Variants in SOX6 observed in about 807,000 individuals in gnomAD.
SOX6 encodes the protein SRY-box transcription factor 6.
A neutral mutation model predicts 97.8 loss-of-function variants in SOX6; 11 were observed. The observed-to-expected ratio is 0.11, with a 90% confidence interval of 0.07 to 0.19. The LOEUF (loss-of-function observed/expected upper bound fraction) is 0.19. SOX6 is among the 10% of genes least tolerant of loss of function. The pLI is 1.00. For synonymous variants in SOX6, 360 were observed against 371.4 expected (o/e 0.97, Z 0.35); for missense variants, 810 against 1,039.5 (o/e 0.78, Z 3.04).
chr11:16,176,418 A>T (rs1461147836), intron 6 of SOX6, among the ~76,000 whole-genome samples: 2 of 151,862 alleles, frequency 1.3e-5, no homozygotes, highest in Non-Finnish European at 2.9e-5. Flanking sequence ...CAGATGAAGA[A>T]GGTAGTTATA....
At chr11:16,013,605 G>T (rs11023829) in intron 13 of SOX6, among the ~76,000 whole-genome samples, 1 of 151,584 alleles carries the variant, frequency 6.6e-6, no homozygotes, top group Non-Finnish European at 1.5e-5. Context: ...CCTCTTCTTC[G>T]TTCCTTTCCT....
intron 9 of SOX6, among the ~76,000 whole-genome samples, chr11:16,058,248 A>G (rs2133924334): frequency 6.6e-6 from 1 of 152,056 alleles, no homozygotes; most frequent in African/African-American, 2.4e-5. Context: ...TTTTAAAGAT[A>G]CTCTTATTCT....
chr11:16,234,434 C>A, intron 4 of SOX6, 148 bp downstream of exon 4: 1 of 518,816 alleles, frequency 1.9e-6, no homozygotes, highest in South Asian at 2.9e-5. Context: ...AATAAAAGCT[C>A]AGAAACCTAT....
chr11:16,518,065 T>C (rs756073856), intron 4 of SOX6, among the ~76,000 whole-genome samples: 33 of 152,174 alleles, frequency 2.2e-4, no homozygotes, highest in Non-Finnish European at 3.7e-4. Flanking sequence ...TATGATCATG[T>C]CACTAGTATG....
chr11:16,072,115 C>T (rs975118237), intron 9 of SOX6, among the ~76,000 whole-genome samples: 1 of 152,104 alleles, frequency 6.6e-6, no homozygotes, highest in East Asian at 1.9e-4. Context: ...AAACAGAATT[C>T]ATTTCTGACT....
At position 16,340,437 on chromosome 11, in the gene SOX6, T is replaced by C. The variant is rs183968748; in HGVS notation, c.237+575A>G. On this transcript the variant is annotated intron_variant, in intron 2 of 15. Transcript: ENST00000683767. Reference sequence around the variant, plus strand: ...TGGCTAATACACTGCATGTATTTGATGTGGTTTCTACTTTTTGAGAAAACT... The same window carrying C: ...TGGCTAATACACTGCATGTATTTGACGTGGTTTCTACTTTTTGAGAAAACT... Among the ~76,000 whole-genome samples the C allele has an allele frequency of 4.1e-4, 62 of 152,258 alleles. 1 individual carries two copies. Among genetic ancestry groups the C allele is most frequent in the Admixed American group, 3.9e-3 (59 of 15,268 alleles).
upstream of SOX6, among the ~76,000 whole-genome samples, chr11:16,478,245 C>T (rs1384673784): frequency 6.6e-6 from 1 of 152,128 alleles, no homozygotes; most frequent in East Asian, 1.9e-4. Flanking sequence ...TTTCTGGCAA[C>T]TACTTTTTTA....
intron 7 of SOX6, among the ~76,000 whole-genome samples, chr11:16,111,387 A>C (rs1367150595): frequency 6.6e-6 from 1 of 152,202 alleles, no homozygotes; most frequent in African/African-American, 2.4e-5. Flanking sequence ...TCTAGTTTTA[A>C]CTATCTTTCT....
intron 15 of SOX6, among the ~76,000 whole-genome samples, chr11:15,979,553 T>C (rs556491295): frequency 6.6e-6 from 1 of 152,282 alleles, no homozygotes; most frequent in South Asian, 2.1e-4. Context: ...CTTACAAGTC[T>C]TTTCATAACT....
chr11:16,639,114 G>C (rs557484221), intron 3 of SOX6, among the ~76,000 whole-genome samples: 1 of 152,194 alleles, frequency 6.6e-6, no homozygotes, highest in Non-Finnish European at 1.5e-5. Flanking sequence ...AAGGGATCCA[G>C]TTTCAGCTTT....
At chr11:16,011,882 A>T (rs557821973) in intron 13 of SOX6, among the ~76,000 whole-genome samples, 7 of 151,994 alleles carry the variant, frequency 4.6e-5, no homozygotes, top group Non-Finnish European at 8.8e-5. Flanking sequence ...AGGAGCTCTC[A>T]CTCCAAATCC....
intron 4 of SOX6, among the ~76,000 whole-genome samples, chr11:16,513,624 C>T (rs1361458856): frequency 1.3e-5 from 2 of 151,972 alleles, no homozygotes; most frequent in South Asian, 4.2e-4. Context: ...CAGAGCAAGA[C>T]TCCATCTCAA....
intron 1 of SOX6, among the ~76,000 whole-genome samples, chr11:16,367,246 A>G (rs1200863942): frequency 6.6e-6 from 1 of 152,152 alleles, no homozygotes; most frequent in African/African-American, 2.4e-5. Flanking sequence ...CTGTCTTTTT[A>G]TGAGAATTAT....
At chr11:16,209,633 T>C (rs1438177712) in intron 4 of SOX6, among the ~76,000 whole-genome samples, 3 of 151,954 alleles carry the variant, frequency 2.0e-5, no homozygotes, top group Non-Finnish European at 4.4e-5. Context: ...TGAGTGCCTG[T>C]CCCCAGCTAC....
At chr11:16,277,681 C>T (rs1361028804) in intron 3 of SOX6, among the ~76,000 whole-genome samples, 1 of 152,198 alleles carries the variant, frequency 6.6e-6, no homozygotes, top group East Asian at 1.9e-4. Context: ...AGACTCCACA[C>T]TTTCTTTGGA....
At chr11:15,973,472 G>A (rs1255016083) in intron 15 of SOX6, among the ~76,000 whole-genome samples, 3 of 152,152 alleles carry the variant, frequency 2.0e-5, no homozygotes, top group African/African-American at 4.8e-5. Flanking sequence ...AGATCTCCCA[G>A]CACATTTTGA....
intron 1 of SOX6, among the ~76,000 whole-genome samples, chr11:16,439,090 C>T (rs1237568997): frequency 6.6e-6 from 1 of 152,100 alleles, no homozygotes; most frequent in African/African-American, 2.4e-5. Flanking sequence ...CAGTAGCCTC[C>T]AGTAGATTGG....
At chr11:16,693,914 A>G (rs1848034160) in intron 3 of SOX6, among the ~76,000 whole-genome samples, 1 of 152,192 alleles carries the variant, frequency 6.6e-6, no homozygotes, top group Non-Finnish European at 1.5e-5. Context: ...ATCAATTTCA[A>G]TATTTATTTT....
At chr11:16,495,066 G>C (rs546304298) in intron 4 of SOX6, among the ~76,000 whole-genome samples, 1 of 152,196 alleles carries the variant, frequency 6.6e-6, no homozygotes, top group African/African-American at 2.4e-5. Context: ...TCCACCTGCA[G>C]CCAGTCACTA....
Sources: gnomAD v4.1 joint callset for allele counts (sites outside exome capture counted in the v4.1 genomes callset) on GRCh38, gnomAD v4.1.1 for gene constraint, MANE v1.5 for transcripts, NCBI Gene and HGNC (gene_info 2026-07-23, HGNC 2026-07-21) for gene names.